Variants in KIAA1217 observed in about 807,000 individuals in gnomAD.
The protein encoded by KIAA1217 is sickle tail protein homolog.
A neutral mutation model predicts 163.9 loss-of-function variants in KIAA1217; 88 were observed. That is an observed-to-expected ratio of 0.54 (90% confidence interval 0.45 to 0.64). KIAA1217 has a LOEUF of 0.64. Among genes scored for constraint, KIAA1217 ranks in the 30% least tolerant of loss-of-function variants. KIAA1217 has a pLI of 0.00. For missense variants in KIAA1217, 2,372 were observed against 2,475.0 expected (o/e 0.96, Z 0.88); for synonymous variants, 903 against 923.1 (o/e 0.98, Z 0.39).
intron 3 of KIAA1217, among the ~76,000 whole-genome samples, chr10:24,396,904 G>T (rs2055839038): frequency 6.6e-6 from 1 of 152,124 alleles, no homozygotes; most frequent in Non-Finnish European, 1.5e-5. Context: ...TCTGGCTACT[G>T]GGTTTGGAAC....
chr10:23,969,947 G>A, intron 1 of KIAA1217, among the ~76,000 whole-genome samples: 1 of 152,188 alleles, frequency 6.6e-6, no homozygotes, highest in East Asian at 1.9e-4. Flanking sequence ...GAGAGAGAAT[G>A]AAAGCCAAGC....
At chr10:23,845,600 TTTG>T (rs570222101) in intron 1 of KIAA1217, among the ~76,000 whole-genome samples, 359 of 152,312 alleles carry the variant, frequency 2.4e-3, no homozygotes, top group African/African-American at 8.4e-3. Flanking sequence ...TTCTTGTAAA[TTTG>T]TTTAAGTTAT....
At chr10:23,959,115 C>T (rs751296085) in intron 1 of KIAA1217, among the ~76,000 whole-genome samples, 2 of 151,972 alleles carry the variant, frequency 1.3e-5, no homozygotes, top group Non-Finnish European at 2.9e-5. Flanking sequence ...TGGATGTCGG[C>T]TCCATATACT....
rs538371258 is a variant in KIAA1217, at chr10:24,510,155, T to G, written c.2002-3104T>G. Reference sequence around the variant, plus strand: ...GAACAACTTGGGGTGGTGGGGAAATTGATGAGTTGAATTCAGAAGACCTGG... The same window carrying G: ...GAACAACTTGGGGTGGTGGGGAAATGGATGAGTTGAATTCAGAAGACCTGG... On this transcript the variant is annotated intron_variant, in intron 9 of 20. Transcript: ENST00000376454. Among the ~76,000 whole-genome samples the G allele has an allele frequency of 2.4e-4, 36 of 152,236 alleles. No individual in the cohort carries two copies. In the South Asian group the frequency reaches 3.5e-3, roughly 15 times the overall value.
At chr10:24,539,025 C>A (rs1012201226) in intron 17 of KIAA1217, among the ~76,000 whole-genome samples, 1 of 152,012 alleles carries the variant, frequency 6.6e-6, no homozygotes, top group Non-Finnish European at 1.5e-5. Flanking sequence ...AGCCACCGCA[C>A]CCAGCCGGAA....
intron 2 of KIAA1217, among the ~76,000 whole-genome samples, chr10:24,277,518 C>T (rs1011852107): frequency 6.6e-6 from 1 of 152,206 alleles, no homozygotes; most frequent in Non-Finnish European, 1.5e-5. Context: ...TCCCATAATC[C>T]CCACATGTTG....
At chr10:24,046,490 G>A (rs916624907) in intron 2 of KIAA1217, among the ~76,000 whole-genome samples, 6 of 152,146 alleles carry the variant, frequency 3.9e-5, no homozygotes, top group African/African-American at 1.4e-4. Context: ...TGGCTGAGGA[G>A]GCCTCAGGAA....
chr10:23,904,945 A>T (rs1468938897), intron 1 of KIAA1217, among the ~76,000 whole-genome samples: 1 of 151,192 alleles, frequency 6.6e-6, no homozygotes, highest in East Asian at 1.9e-4. Flanking sequence ...CAGTCCTCTA[A>T]TTCTAAATCT....
intron 2 of KIAA1217, among the ~76,000 whole-genome samples, chr10:24,222,072 A>T (rs2069731871): frequency 6.6e-6 from 1 of 152,160 alleles, no homozygotes; most frequent in Non-Finnish European, 1.5e-5. Context: ...GATTATTGTT[A>T]CTCTTCTTAT....
rs538627713 is a variant in KIAA1217 at position 23,707,793 on chromosome 10, T to C, written c.-321+12559T>C. On this transcript the variant is annotated intron_variant, in intron 1 of 18. Coordinates refer to the KIAA1217 transcript ENST00000376462. Reference sequence around the variant, plus strand: ...TTGTCTGGATTCACCAGTTTTATTTTGGTTTCAGGTTTTCCTTCAAGAAGG... The same window carrying C: ...TTGTCTGGATTCACCAGTTTTATTTCGGTTTCAGGTTTTCCTTCAAGAAGG... 9.2e-5 allele frequency among the ~76,000 whole-genome samples: 14 copies of C among 152,336 alleles called. No homozygotes were observed. The South Asian group carries it at 2.7e-3, about 29-fold the overall frequency.
intron 10 of KIAA1217, among the ~76,000 whole-genome samples, chr10:24,519,739 C>T (rs77477378): frequency 6.6e-6 from 1 of 152,064 alleles, no homozygotes; most frequent in East Asian, 1.9e-4. Flanking sequence ...CACCGCAGGT[C>T]GGTCTCCCTC....
chr10:24,030,045 A>G (rs1003316101), intron 2 of KIAA1217, among the ~76,000 whole-genome samples: 6 of 152,170 alleles, frequency 3.9e-5, no homozygotes, highest in South Asian at 4.1e-4. Flanking sequence ...AAAGCTAGAC[A>G]GAGAGAGAGT....
At position 24,089,080 on chromosome 10, in the gene KIAA1217, G is replaced by T. The variant is rs535250874; in HGVS notation, c.-171+81706G>T. Among the ~76,000 whole-genome samples the T allele has an allele frequency of 8.2e-4, 103 of 125,734 alleles. 12 individuals are homozygous for T. The highest frequency in any genetic ancestry group is 2.5e-3 in the African/African-American group (99 of 40,056). The allele number at this position is 125,734 out of a possible 152,430, so 82.5% of individuals were successfully genotyped here. ...GCATTTTTTCATGTGTCTGTTGCCT[G>T]CATAAATGTCTTCTTTTGAGAAGTG... is the stretch of plus-strand genomic sequence containing the variant. On this transcript the variant is annotated intron_variant, in intron 2 of 18. Transcript: ENST00000376462.
intron 1 of KIAA1217, among the ~76,000 whole-genome samples, chr10:23,780,549 T>G (rs1835210402): frequency 1.3e-5 from 2 of 152,234 alleles, no homozygotes; most frequent in African/African-American, 4.8e-5. Context: ...TGTACGTTGT[T>G]GCAAATGGCA....
intron 2 of KIAA1217, among the ~76,000 whole-genome samples, chr10:24,092,276 C>G (rs932132600): frequency 2.6e-5 from 4 of 151,668 alleles, no homozygotes; most frequent in Admixed American, 6.6e-5. Flanking sequence ...TATCCAACTC[C>G]TCACTTCCCT....
At chr10:23,954,210 C>A (rs572780036) in intron 1 of KIAA1217, among the ~76,000 whole-genome samples, 1 of 152,174 alleles carries the variant, frequency 6.6e-6, no homozygotes, top group East Asian at 1.9e-4. Flanking sequence ...AAGATTAAAG[C>A]AGATGCACCC....
At chr10:23,936,786 G>T (rs910847322) in intron 1 of KIAA1217, among the ~76,000 whole-genome samples, 2 of 152,192 alleles carry the variant, frequency 1.3e-5, no homozygotes, top group African/African-American at 2.4e-5. Context: ...AACACAGTTT[G>T]TGATAATTTG....
chr10:23,797,899 AG>A (rs1336672604), intron 1 of KIAA1217, among the ~76,000 whole-genome samples: 3 of 152,214 alleles, frequency 2.0e-5, no homozygotes, highest in African/African-American at 7.2e-5. Flanking sequence ...AACTTTCTAC[AG>A]CCACCAGTTC....
At chr10:24,163,161 G>T (rs1201134958) in intron 2 of KIAA1217, among the ~76,000 whole-genome samples, 1 of 152,188 alleles carries the variant, frequency 6.6e-6, no homozygotes, top group Non-Finnish European at 1.5e-5. Context: ...AACACAGTTG[G>T]CCCCAGCCTT....
Sources: gnomAD v4.1 joint callset for allele counts (sites outside exome capture counted in the v4.1 genomes callset) on GRCh38, gnomAD v4.1.1 for gene constraint, MANE v1.5 for transcripts, NCBI Gene and HGNC (gene_info 2026-07-23, HGNC 2026-07-21) for gene names.